ATP9B: variants seen among roughly 807,000 people sequenced by gnomAD.
ATP9B encodes the protein ATPase phospholipid transporting 9B, also known as probable phospholipid-transporting ATPase IIB.
Under a neutral mutation model 146.1 loss-of-function variants are expected in ATP9B, and 110 were observed. That is an observed-to-expected ratio of 0.75 (90% confidence interval 0.65 to 0.88). The LOEUF (loss-of-function observed/expected upper bound fraction) is 0.88. Among genes scored for constraint, ATP9B ranks in the 40% least tolerant of loss-of-function variants. The pLI, the probability that ATP9B is intolerant of heterozygous loss-of-function variation, is 0.00. For synonymous variants in ATP9B, 604 were observed against 569.7 expected, an observed-to-expected ratio of 1.06 and a Z score of -0.86; for missense variants, 1,499 against 1,496.4, an observed-to-expected ratio of 1.00 and a Z score of -0.03.
chr18:79,268,974 G>A (rs977827583), intron 12 of ATP9B, among the ~76,000 whole-genome samples: 3 of 152,010 alleles, frequency 2.0e-5, no homozygotes, highest in African/African-American at 4.8e-5. Context: ...TCTTCCAGCC[G>A]CTTTTCTATC....
intron 11 of ATP9B, among the ~76,000 whole-genome samples, chr18:79,233,328 G>A (rs183755134): frequency 7.2e-5 from 11 of 152,200 alleles, no homozygotes; most frequent in Admixed American, 3.3e-4. Flanking sequence ...GGGGATACCT[G>A]GAGGAGAAGA....
At chr18:79,194,493 G>T (rs2095400061) in intron 9 of ATP9B, 1 of 152,266 alleles carries the variant, frequency 6.6e-6, no homozygotes, top group Non-Finnish European at 1.5e-5. Context: ...CAGTCTGCAG[G>T]TGTGACAAGG....
chr18:79,097,361 TA>T (rs1252986421), intron 2 of ATP9B, among the ~76,000 whole-genome samples: 1 of 151,908 alleles, frequency 6.6e-6, no homozygotes, highest in Non-Finnish European at 1.5e-5. Context: ...ATTTTATTAT[TA>T]TTTTTATATC....
intron 11 of ATP9B, among the ~76,000 whole-genome samples, chr18:79,219,489 T>A (rs994010306): frequency 6.6e-6 from 1 of 152,120 alleles, no homozygotes; most frequent in African/African-American, 2.4e-5. Flanking sequence ...ATTAATCATA[T>A]GGAAGAATAA....
chr18:79,092,979 A>G lies in ATP9B; in HGVS notation c.120-3497A>G, dbSNP rs1174753881. ...GGTATTAGGTACTGTACATAAGTGT[A>G]TATGCTCGACTTTTATATGAATGAC... is the stretch of plus-strand genomic sequence containing the variant. On this transcript the variant is annotated intron_variant, in intron 1 of 29. Transcript: ENST00000426216. 2.6e-5 allele frequency among the ~76,000 whole-genome samples: 4 copies of G among 152,212 alleles called. No homozygotes were observed. In the East Asian group the frequency reaches 7.7e-4, roughly 29 times the overall value.
chr18:79,191,008 A>G (rs1162906697), intron 8 of ATP9B, among the ~76,000 whole-genome samples: 3 of 151,864 alleles, frequency 2.0e-5, no homozygotes, highest in Non-Finnish European at 4.4e-5. Flanking sequence ...CCTCTGGTGG[A>G]TGTCTGCTGG....
intron 8 of ATP9B, among the ~76,000 whole-genome samples, chr18:79,189,888 G>A (rs1020341506): frequency 6.6e-6 from 1 of 152,146 alleles, no homozygotes; most frequent in African/African-American, 2.4e-5. Context: ...CAAGGTTCAC[G>A]CCATGGTATT....
rs149371772 is a variant in ATP9B, at chr18:79,226,572, C to T, written c.1107+12534C>T. Among the ~76,000 whole-genome samples, 10 of 152,320 alleles carry T rather than the reference C, an allele frequency of 6.6e-5. No individual in the cohort carries two copies. The South Asian group carries it at 1.7e-3, about 25-fold the overall frequency. On this transcript the variant is annotated intron_variant, in intron 11 of 29. Transcript: ENST00000426216. ...AGCACATGAGTCAAGCCATGATAAC[C>T]GTTTGCTTAGGTGCCTCATCTTCCA...
chr18:79,260,568 G>A (rs966117834), intron 12 of ATP9B, among the ~76,000 whole-genome samples: 8 of 152,296 alleles, frequency 5.3e-5, no homozygotes, highest in African/African-American at 1.9e-4. Context: ...GGACTCTCAG[G>A]ATATGCACAG....
chr18:79,098,443 G>A (rs2074993700), intron 2 of ATP9B, among the ~76,000 whole-genome samples: 2 of 147,656 alleles, frequency 1.4e-5, no homozygotes, highest in African/African-American at 5.1e-5. Context: ...GAGTGAACAG[G>A]CAACCTACAA....
chr18:79,094,435 G>C (rs778715158), intron 1 of ATP9B, among the ~76,000 whole-genome samples: 1 of 152,124 alleles, frequency 6.6e-6, no homozygotes, highest in Non-Finnish European at 1.5e-5. Flanking sequence ...TTGTTGTGAA[G>C]GTCCACCTGA....
intron 18 of ATP9B, 131 bp downstream of exon 18, chr18:79,336,842 G>C: frequency 1.2e-6 from 1 of 863,668 alleles, no homozygotes; most frequent in Admixed American, 2.2e-5. Context: ...GCTTCGCTCA[G>C]CAGGAGCATG....
chr18:79,079,441 T>C (rs2073006800), intron 1 of ATP9B, among the ~76,000 whole-genome samples: 1 of 152,238 alleles, frequency 6.6e-6, no homozygotes. Flanking sequence ...GCCGCATAAA[T>C]GTCTTCATTT....
At chr18:79,178,474 A>G (rs541639747) in intron 8 of ATP9B, among the ~76,000 whole-genome samples, 1 of 152,242 alleles carries the variant, frequency 6.6e-6, no homozygotes, top group East Asian at 1.9e-4. Flanking sequence ...GAGCAAAAGC[A>G]TTCCGCCTTG....
chr18:79,254,369 A>G (rs1432922426), intron 12 of ATP9B: 1 of 152,282 alleles, frequency 6.6e-6, no homozygotes, highest in East Asian at 1.9e-4. Flanking sequence ...TCATAAAGTC[A>G]GAGCTATAAT....
At chr18:79,095,260 C>T (rs2074693264) in intron 1 of ATP9B, among the ~76,000 whole-genome samples, 1 of 152,166 alleles carries the variant, frequency 6.6e-6, no homozygotes, top group Non-Finnish European at 1.5e-5. Flanking sequence ...AACATTGATG[C>T]CTTACTAACC....
chr18:79,202,739 T>C (rs1373946766), intron 9 of ATP9B, among the ~76,000 whole-genome samples: 1 of 152,226 alleles, frequency 6.6e-6, no homozygotes, highest in Non-Finnish European at 1.5e-5. Flanking sequence ...TAGTCAATCA[T>C]CGCCATTCCA....
At chr18:79,169,952 A>T (rs2095043894) in intron 7 of ATP9B, among the ~76,000 whole-genome samples, 1 of 152,216 alleles carries the variant, frequency 6.6e-6, no homozygotes, top group Non-Finnish European at 1.5e-5. Context: ...CAGCAAAGTT[A>T]CAAAATTACC....
intron 11 of ATP9B, among the ~76,000 whole-genome samples, chr18:79,231,778 G>GTGTATATATATATA (rs1224214557): frequency 3.3e-5 from 4 of 121,294 alleles, no homozygotes; most frequent in Non-Finnish European, 6.6e-5. Flanking sequence ...GTGTGTGTGT[G>GTGTATATATATATA]TATATATATA....
Sources: gnomAD v4.1 joint callset for allele counts (sites outside exome capture counted in the v4.1 genomes callset) on GRCh38, gnomAD v4.1.1 for gene constraint, MANE v1.5 for transcripts, NCBI Gene and HGNC (gene_info 2026-07-23, HGNC 2026-07-21) for gene names.